DNAI3: variants seen among roughly 807,000 people sequenced by gnomAD.
DNAI3 encodes the protein dynein axonemal intermediate chain 3.
A neutral mutation model predicts 115.5 loss-of-function variants in DNAI3; 83 were observed. The ratio of observed to expected loss-of-function variants is 0.72; its 90% CI spans 0.60 to 0.86. DNAI3 has a LOEUF of 0.86. Among genes scored for constraint, DNAI3 ranks in the 40% least tolerant of loss-of-function variants. The pLI is 0.00. For missense variants in DNAI3, 1,004 were observed against 1,075.8 expected, an observed-to-expected ratio of 0.93 and a Z score of 0.93; for synonymous variants, 320 against 347.0, an observed-to-expected ratio of 0.92 and a Z score of 0.86.
chr1:85,102,455 T>C (rs538354252), intron 13 of DNAI3, among the ~76,000 whole-genome samples: 7 of 152,176 alleles, frequency 4.6e-5, no homozygotes, highest in Middle Eastern at 3.4e-3. Context: ...ACATATAAAA[T>C]AAAACAGTAA....
At chr1:85,096,746 T>C (rs1655136921) in intron 11 of DNAI3, among the ~76,000 whole-genome samples, 1 of 152,048 alleles carries the variant, frequency 6.6e-6, no homozygotes. Flanking sequence ...AACTTCCTTG[T>C]GGTTAAAATG....
chr1:85,132,510 A>G (rs1204631492), intron 22 of DNAI3, among the ~76,000 whole-genome samples: 1 of 152,240 alleles, frequency 6.6e-6, no homozygotes, highest in African/African-American at 2.4e-5. Context: ...TATGCCATCC[A>G]TATGGACTCA....
Position 85,065,373 on chromosome 1 carries a change from G to A in DNAI3, c.-15+2887G>A, listed in dbSNP as rs117082754. Among the ~76,000 whole-genome samples the A allele has an allele frequency of 3.3e-4, 51 of 152,302 alleles. 1 individual carries two copies. In the East Asian group the frequency reaches 6.0e-3, roughly 18 times the overall value. ...TTATTTGAGAATAGGCATTAACAAT[G>A]GGAAGATGCATGCGGTAGTAAACTA... On this transcript the variant is annotated intron_variant, in intron 1 of 22. Coordinates refer to ENST00000294664, the MANE Select transcript of DNAI3 (RefSeq NM_145172.5).
intron 7 of DNAI3, among the ~76,000 whole-genome samples, chr1:85,086,763 A>T (rs150994172): frequency 1.4e-3 from 211 of 151,842 alleles, no homozygotes; most frequent in African/African-American, 4.8e-3. Context: ...GGATTACTGT[A>T]ATTCCTTCTA....
At chr1:85,071,418 G>A (rs1022922333) in intron 1 of DNAI3, among the ~76,000 whole-genome samples, 3 of 152,208 alleles carry the variant, frequency 2.0e-5, no homozygotes, top group Non-Finnish European at 2.9e-5. Context: ...GGCCAAATAA[G>A]GCCTTAGTGG....
chr1:85,119,705 C>CTTT (rs565679046), intron 17 of DNAI3, among the ~76,000 whole-genome samples: 1 of 148,384 alleles, frequency 6.7e-6, no homozygotes, highest in African/African-American at 2.5e-5. Context: ...TTTCTTTTTT[C>CTTT]TTTTTTTTTT....
chr1:85,130,423 G>A (rs1225207690), intron 22 of DNAI3, among the ~76,000 whole-genome samples: 1 of 152,140 alleles, frequency 6.6e-6, no homozygotes, highest in Non-Finnish European at 1.5e-5. Context: ...CATTAAAGAA[G>A]GTGGTGCAAA....
chr1:85,132,848 C>T lies in DNAI3; in HGVS notation c.2533-7C>T. On this transcript the variant is annotated splice_polypyrimidine_tract_variant and splice_region_variant and intron_variant, in intron 22 of 22. Coordinates refer to ENST00000294664, the MANE Select transcript of DNAI3 (RefSeq NM_145172.5). ...ATAGGGATGTCTTGTTTTTCTTCCCCCCCCAGAAAACATATCAGAAGTCAA... is the reference window on the plus strand; with the variant it reads ...ATAGGGATGTCTTGTTTTTCTTCCCTCCCCAGAAAACATATCAGAAGTCAA... 1.2e-6 allele frequency: 2 copies of T among 1,610,502 alleles called. No homozygotes were observed. Among genetic ancestry groups the T allele is most frequent in the South Asian group, 1.1e-5 (1 of 90,294 alleles).
intron 13 of DNAI3, among the ~76,000 whole-genome samples, chr1:85,102,044 A>G (rs186217565): frequency 2.0e-5 from 3 of 152,226 alleles, no homozygotes; most frequent in South Asian, 2.1e-4. Flanking sequence ...AAAAACAAAC[A>G]AACAAAAAAT....
At position 85,108,075 on chromosome 1, in the gene DNAI3, C is replaced by G; in HGVS notation, c.1596C>G (p.Thr532=). 6.2e-7 allele frequency: 1 copy of G among 1,607,910 alleles called. No individual in the cohort carries two copies. Among genetic ancestry groups the G allele is most frequent in the Non-Finnish European group, 8.5e-7 (1 of 1,177,550 alleles). ...FWDIRPQKPL[T]PQTTEKKKEE... ...ATATTAGACCACAGAAACCTTTAAC[C>G]CCCCAAACAACAGAGAAAAAGAAGG... The change falls in exon 15 of 23, where the codon ACC becomes ACG. Residue 532 remains threonine (T), a synonymous_variant. Transcript: ENST00000294664.
chr1:85,115,661 G>GTGGAA (rs1655794505), intron 16 of DNAI3, among the ~76,000 whole-genome samples: 1 of 151,848 alleles, frequency 6.6e-6, no homozygotes, highest in Non-Finnish European at 1.5e-5. Flanking sequence ...TTTGCACCAG[G>GTGGAA]GACCAGTTTT....
At chr1:85,090,301 C>G (rs1017717302) in intron 8 of DNAI3, 69 bp downstream of exon 8, 11 of 839,706 alleles carry the variant, frequency 1.3e-5, no homozygotes, top group Non-Finnish European at 1.9e-5. Flanking sequence ...AATAACAGGT[C>G]TAAATAAACA....
chr1:85,113,051 G>A (rs897428740), intron 16 of DNAI3, among the ~76,000 whole-genome samples: 2 of 152,220 alleles, frequency 1.3e-5, no homozygotes, highest in Admixed American at 1.3e-4. Flanking sequence ...TTATGGATGT[G>A]AGCCACCACA....
chr1:85,084,437 C>T (rs868728678), intron 5 of DNAI3, 109 bp from the exon 6 acceptor site: 1 of 813,580 alleles, frequency 1.2e-6, no homozygotes, highest in Middle Eastern at 4.7e-4. Context: ...TAAAAAGGTG[C>T]TTAATGAATT....
At chr1:85,088,069 C>T (rs894796904) in intron 7 of DNAI3, among the ~76,000 whole-genome samples, 3 of 151,962 alleles carry the variant, frequency 2.0e-5, no homozygotes, top group Non-Finnish European at 4.4e-5. Context: ...CATCAGACAT[C>T]CATAAATATC....
In DNAI3 at chr1:85,132,968, A is replaced by C. The variant is rs773423844; in HGVS notation, c.2646A>C (p.Thr882=). ...VLINLGLIKV[T]EKGSYMEVM ...TCAACCTTGGCCTAATCAAAGTCACAGAGAAGGGGTCATACATGGAGGTGA... is the reference window on the plus strand; with the variant it reads ...TCAACCTTGGCCTAATCAAAGTCACCGAGAAGGGGTCATACATGGAGGTGA... The change falls in exon 23 of 23, where the codon ACA becomes ACC. Residue 882 remains threonine (T), a synonymous_variant. Coordinates refer to ENST00000294664, the MANE Select transcript of DNAI3 (RefSeq NM_145172.5). 26 of 1,613,688 alleles carry C rather than the reference A, an allele frequency of 1.6e-5. No homozygotes were observed. The highest frequency in any genetic ancestry group is 1.9e-5 in the Non-Finnish European group (23 of 1,179,902).
At position 85,130,058 on chromosome 1, in the gene DNAI3, A is replaced by G. The variant is rs777411997; in HGVS notation, c.2478A>G (p.Lys826=). ...TGGAATACGTAGAACAGCGCAAAAA[A>G]ATTCGTGAGCAAGAAAAGAAAGAAA... ...KHLEYVEQRK[K]IREQEKKEME... The change falls in exon 22 of 23, where the codon AAA becomes AAG. Residue 826 remains lysine, a synonymous_variant. Coordinates refer to ENST00000294664, the MANE Select transcript of DNAI3 (RefSeq NM_145172.5). The G allele has an allele frequency of 3.7e-6, 6 of 1,614,022 alleles. No individual in the cohort carries two copies. The highest frequency in any genetic ancestry group is 5.1e-6 in the Non-Finnish European group (6 of 1,179,918).
chr1:85,084,175 G>A (rs796906356), intron 5 of DNAI3, among the ~76,000 whole-genome samples: 28 of 72,702 alleles, frequency 3.9e-4, no homozygotes, highest in South Asian at 8.5e-4. Context: ...ATATATATAT[G>A]TGTGTGTGTG....
At chr1:85,079,885 T>C (rs1393551231) in intron 3 of DNAI3, among the ~76,000 whole-genome samples, 3 of 152,030 alleles carry the variant, frequency 2.0e-5, no homozygotes, top group Non-Finnish European at 4.4e-5. Flanking sequence ...CCTACCCACT[T>C]TCCTGTGTCC....
Sources: allele counts gnomAD v4.1 joint callset (sites outside exome capture counted in the v4.1 genomes callset), GRCh38; gene constraint gnomAD v4.1.1; transcripts MANE v1.5; gene names NCBI Gene and HGNC (gene_info 2026-07-23, HGNC 2026-07-21).